PPP2R5C: variants seen among roughly 807,000 people sequenced by gnomAD.
The protein encoded by PPP2R5C is protein phosphatase 2 regulatory subunit B'gamma.
Under a neutral mutation model 68.9 loss-of-function variants are expected in PPP2R5C, and 7 were observed. The ratio of observed to expected loss-of-function variants is 0.10; its 90% CI spans 0.06 to 0.19. The LOEUF is 0.19. Ranked by LOEUF, PPP2R5C falls within the 10% of genes least tolerant of loss-of-function variation. The pLI, the probability that PPP2R5C is intolerant of heterozygous loss-of-function variation, is 1.00. For synonymous variants in PPP2R5C, 210 were observed against 222.2 expected (o/e 0.95, Z 0.49); for missense variants, 348 against 641.3 (o/e 0.54, Z 4.94).
chr14:101,830,086 C>T (rs566822475), intron 1 of PPP2R5C, among the ~76,000 whole-genome samples: 171 of 152,120 alleles, frequency 1.1e-3, no homozygotes, highest in Non-Finnish European at 1.8e-3. Flanking sequence ...GTGTACAATA[C>T]CATTTTGTAA....
At chr14:101,889,995 T>C (rs1486344527) in intron 5 of PPP2R5C, 2 of 611,754 alleles carry the variant, frequency 3.3e-6, no homozygotes, top group Non-Finnish European at 3.0e-6. Flanking sequence ...CTTGAAATTT[T>C]CCAAAATAAA....
intron 5 of PPP2R5C, among the ~76,000 whole-genome samples, chr14:101,887,819 C>T (rs773277252): frequency 2.1e-4 from 32 of 152,262 alleles, no homozygotes; most frequent in Middle Eastern, 6.8e-3. Flanking sequence ...GCAGGAAAGG[C>T]ATTTAGAATC....
At chr14:101,784,930 GC>G (rs1271804299) in intron 2 of PPP2R5C, among the ~76,000 whole-genome samples, 1 of 152,172 alleles carries the variant, frequency 6.6e-6, no homozygotes, top group African/African-American at 2.4e-5. Context: ...AACTCCACGG[GC>G]CCCCTTGGTG....
intron 9 of PPP2R5C, among the ~76,000 whole-genome samples, chr14:101,903,991 GT>G (rs1442398684): frequency 2.0e-5 from 3 of 151,842 alleles, no homozygotes; most frequent in Non-Finnish European, 2.9e-5. Context: ...ACTTTTAGAT[GT>G]TTTTTTCACA....
At chr14:101,798,315 T>TA (rs1206236862) in intron 3 of PPP2R5C, among the ~76,000 whole-genome samples, 7 of 152,162 alleles carry the variant, frequency 4.6e-5, no homozygotes, top group Non-Finnish European at 7.4e-5. Flanking sequence ...TGGAGAGCCT[T>TA]AAAAAATAAA....
At chr14:101,826,969 C>CTTTTTTTTTT (rs1030539072) in intron 1 of PPP2R5C, among the ~76,000 whole-genome samples, 2 of 95,864 alleles carry the variant, frequency 2.1e-5, no homozygotes, top group Non-Finnish European at 2.0e-5. Flanking sequence ...AAATGTTTAA[C>CTTTTTTTTTT]TTTTTTTTTT....
At chr14:101,894,370 C>T (rs1271651054) in intron 7 of PPP2R5C, 137 bp from the exon 10 acceptor site, 5 of 650,410 alleles carry the variant, frequency 7.7e-6, no homozygotes, top group Admixed American at 5.6e-5. Flanking sequence ...TGTTAATGCC[C>T]GTTAATCACA....
chr14:101,840,482 CAAAAAA>C (rs10611025), intron 1 of PPP2R5C, among the ~76,000 whole-genome samples: 1 of 51,866 alleles, frequency 1.9e-5, no homozygotes, highest in African/African-American at 9.3e-5. Flanking sequence ...CCCCCACCAC[CAAAAAA>C]AAAAAAAAAA....
intron 1 of PPP2R5C, among the ~76,000 whole-genome samples, chr14:101,832,675 A>G (rs2040818250): frequency 1.3e-5 from 2 of 152,148 alleles, no homozygotes; most frequent in Admixed American, 1.3e-4. Context: ...GCACAGTCAC[A>G]GAGGGACTCC....
chr14:101,762,309 A>G (rs1196125352), intron 1 of PPP2R5C, among the ~76,000 whole-genome samples: 1 of 152,078 alleles, frequency 6.6e-6, no homozygotes, highest in Non-Finnish European at 1.5e-5. Context: ...GCTCCCGGAA[A>G]GGAGCTTCAG....
At chr14:101,840,181 AT>A (rs2041374631) in intron 1 of PPP2R5C, among the ~76,000 whole-genome samples, 1 of 152,106 alleles carries the variant, frequency 6.6e-6, no homozygotes, top group Non-Finnish European at 1.5e-5. Context: ...AAACATACAT[AT>A]CACATTATTC....
intron 8 of PPP2R5C, among the ~76,000 whole-genome samples, chr14:101,896,549 T>C (rs1319416294): frequency 6.8e-6 from 1 of 146,546 alleles, no homozygotes; most frequent in African/African-American, 2.5e-5. Context: ...GCCTGGGCAA[T>C]ATGGCAAAAT....
In PPP2R5C at chr14:101,882,565, A is replaced by G; in HGVS notation, c.405+294A>G. 1 of 262,224 alleles carries G rather than the reference A, an allele frequency of 3.8e-6. No individual in the cohort carries two copies. Among genetic ancestry groups the G allele is most frequent in the Admixed American group, 5.2e-5 (1 of 19,102 alleles). 16.2% of individuals were successfully genotyped at this position (262,224 alleles called of 1,614,324 possible). On this transcript the variant is annotated intron_variant, in intron 3 of 13. Transcript: ENST00000334743. This position sits in a 1 kb window ranked among gnomAD's most constrained non-coding sequence, Gnocchi z 4.9. ...TCAGGCCCAGAGGTCCTAAGCCAACAATCTCCCAGTTTTTGCTCCTCATAT... is the reference window on the plus strand; with the variant it reads ...TCAGGCCCAGAGGTCCTAAGCCAACGATCTCCCAGTTTTTGCTCCTCATAT...
intron 1 of PPP2R5C, among the ~76,000 whole-genome samples, chr14:101,815,175 A>G (rs2039583617): frequency 6.6e-6 from 1 of 152,148 alleles, no homozygotes; most frequent in Non-Finnish European, 1.5e-5. Flanking sequence ...CCCGGGAGAA[A>G]AAAGGGAGCC....
intron 2 of PPP2R5C, among the ~76,000 whole-genome samples, chr14:101,867,086 G>GCAT (rs201099524): frequency 0.022 from 3,323 of 151,926 alleles, 55 homozygotes; most frequent in Admixed American, 0.037. Context: ...GCGTGGTGGC[G>GCAT]CATGCCTGTA....
chr14:101,909,471 G>T, intron 10 of PPP2R5C, 118 bp from the exon 13 acceptor site: 1 of 588,958 alleles, frequency 1.7e-6, no homozygotes, highest in Non-Finnish European at 3.1e-6. Flanking sequence ...TTGCATTTTA[G>T]ACCTTAGGGA....
chr14:101,833,389 A>G (rs1374572975), intron 1 of PPP2R5C: 5 of 152,240 alleles, frequency 3.3e-5, no homozygotes, highest in Admixed American at 3.3e-4. Context: ...TTTGAAGAAG[A>G]TAGGGTTACC....
chr14:101,841,310 C>T (rs997455339), intron 1 of PPP2R5C, among the ~76,000 whole-genome samples: 2 of 152,154 alleles, frequency 1.3e-5, no homozygotes, highest in Non-Finnish European at 2.9e-5. Flanking sequence ...ATGAAGGGGG[C>T]GACTGTGCCT....
chr14:101,901,246 A>G (rs987333695), intron 8 of PPP2R5C, among the ~76,000 whole-genome samples: 4 of 152,164 alleles, frequency 2.6e-5, no homozygotes, highest in African/African-American at 9.7e-5. Context: ...TATTCTTTCT[A>G]AATTATTGTC....
Sources: allele counts gnomAD v4.1 joint callset (sites outside exome capture counted in the v4.1 genomes callset), GRCh38; gene constraint gnomAD v4.1.1; non-coding constraint Gnocchi (gnomAD v3.1); transcripts MANE v1.5; gene names NCBI Gene and HGNC (gene_info 2026-07-23, HGNC 2026-07-21).